Variants in LRRC3B observed in about 807,000 individuals in gnomAD.
The protein encoded by LRRC3B is leucine rich repeat containing 3B, also known as leucine-rich repeat-containing protein 3B.
Under a neutral mutation model 12.8 loss-of-function variants are expected in LRRC3B, and 2 were observed. That is an observed-to-expected ratio of 0.16 (90% confidence interval 0.06 to 0.49). LRRC3B has a LOEUF of 0.49. Ranked by LOEUF, LRRC3B falls within the 20% of genes least tolerant of loss-of-function variation. LRRC3B has a pLI of 0.96. For missense variants in LRRC3B, 189 were observed against 319.4 expected, an observed-to-expected ratio of 0.59 and a Z score of 3.11; for synonymous variants, 132 against 122.0, an observed-to-expected ratio of 1.08 and a Z score of -0.54.
intron 1 of LRRC3B, among the ~76,000 whole-genome samples, chr3:26,705,159 A>T (rs1700554834): frequency 6.6e-6 from 1 of 152,316 alleles, no homozygotes; most frequent in Middle Eastern, 3.4e-3. Flanking sequence ...TTCTCAGTGA[A>T]TGAACACCCT....
intron 1 of LRRC3B, among the ~76,000 whole-genome samples, chr3:26,684,631 G>A (rs1438682592): frequency 2.0e-5 from 3 of 152,222 alleles, no homozygotes; most frequent in Non-Finnish European, 4.4e-5. Flanking sequence ...GAAGGGCAAA[G>A]AGACTAAAAG....
rs538973050 is a variant in LRRC3B, at chr3:26,639,182, A to T, written c.-161+15945A>T. Among the ~76,000 whole-genome samples, 3 of 152,364 alleles carry T rather than the reference A, an allele frequency of 2.0e-5. No individual in the cohort carries two copies. In the East Asian group the frequency reaches 5.8e-4, roughly 29 times the overall value. ...TAAAATTTTTTTCAGTAGCTACATT[A>T]AACATGTAAAAAGAAAAAGGTATAG... On this transcript the variant is annotated intron_variant, in intron 1 of 1. Coordinates refer to ENST00000396641, the Ensembl canonical transcript of LRRC3B.
intron 1 of LRRC3B, among the ~76,000 whole-genome samples, chr3:26,625,702 T>G (rs1232420420): frequency 6.6e-6 from 1 of 152,326 alleles, no homozygotes; most frequent in East Asian, 1.9e-4. Flanking sequence ...AAGGTGGATT[T>G]ATTTCAGGTT....
Position 26,703,631 on chromosome 3 carries a change from T to G in LRRC3B, c.-160-5882T>G, listed in dbSNP as rs553033221. 2.0e-5 allele frequency among the ~76,000 whole-genome samples: 3 copies of G among 151,710 alleles called. No homozygotes were observed. The Admixed American group carries it at 2.0e-4, about 10-fold the overall frequency. ...GAAGCAAGGTCAAAAATTAGAAAAA[T>G]TATCAGTTAATAATCAGTTCTTGGC... On this transcript the variant is annotated intron_variant, in intron 1 of 1. Coordinates refer to ENST00000396641, the Ensembl canonical transcript of LRRC3B.
chr3:26,697,238 C>G (rs552148795), intron 1 of LRRC3B, among the ~76,000 whole-genome samples: 5 of 152,168 alleles, frequency 3.3e-5, no homozygotes, highest in African/African-American at 1.2e-4. Flanking sequence ...TTTCAATGGA[C>G]AAAAAATCAA....
chr3:26,661,462 G>A (rs1056162774), intron 1 of LRRC3B, among the ~76,000 whole-genome samples: 3 of 152,116 alleles, frequency 2.0e-5, no homozygotes, highest in African/African-American at 7.2e-5. Flanking sequence ...CTTTAGGTAT[G>A]TAGTTGTCGT....
intron 1 of LRRC3B, among the ~76,000 whole-genome samples, chr3:26,651,383 T>A (rs1699261436): frequency 6.6e-6 from 1 of 152,194 alleles, no homozygotes; most frequent in Non-Finnish European, 1.5e-5. Context: ...CACAGTTTGT[T>A]TTTCTTCCCA....
At chr3:26,707,258 G>C (rs143041721) in intron 1 of LRRC3B, among the ~76,000 whole-genome samples, 1 of 151,560 alleles carries the variant, frequency 6.6e-6, no homozygotes, top group Non-Finnish European at 1.5e-5. Flanking sequence ...CCAGATACTC[G>C]GGAGGCTGGG....
intron 1 of LRRC3B, among the ~76,000 whole-genome samples, chr3:26,638,102 T>C (rs1443784930): frequency 1.3e-5 from 2 of 152,170 alleles, no homozygotes; most frequent in Non-Finnish European, 2.9e-5. Flanking sequence ...CCACAAAGCA[T>C]TGTAGATGTC....
chr3:26,653,579 G>GA (rs5847412), intron 1 of LRRC3B, among the ~76,000 whole-genome samples: 21 of 148,574 alleles, frequency 1.4e-4, no homozygotes, highest in South Asian at 2.1e-4. Flanking sequence ...AGAACTCACA[G>GA]AAAAAAAAAA....
intron 1 of LRRC3B, among the ~76,000 whole-genome samples, chr3:26,627,959 G>GA (rs1698665614): frequency 1.3e-5 from 2 of 152,132 alleles, no homozygotes; most frequent in African/African-American, 4.8e-5. Flanking sequence ...GGAACCACAG[G>GA]AAGGGGAATC....
chr3:26,653,350 A>AT (rs57141158), intron 1 of LRRC3B, among the ~76,000 whole-genome samples: 78 of 151,840 alleles, frequency 5.1e-4, no homozygotes, highest in African/African-American at 1.4e-3. Flanking sequence ...AATTTCTGTC[A>AT]TTTTTTTTAC....
intron 1 of LRRC3B, among the ~76,000 whole-genome samples, chr3:26,703,779 TC>T (rs1334059084): frequency 6.6e-6 from 1 of 151,786 alleles, no homozygotes; most frequent in African/African-American, 2.4e-5. Flanking sequence ...ATTCAGTCTC[TC>T]ATCATGAAAC....
intron 1 of LRRC3B, among the ~76,000 whole-genome samples, chr3:26,685,523 C>CTCTCTCTATA (rs1200535225): frequency 1.0e-4 from 4 of 38,320 alleles, no homozygotes; most frequent in African/African-American, 2.6e-4. Flanking sequence ...CTCTCTCTCT[C>CTCTCTCTATA]TATATATATA....
At chr3:26,659,688 A>G (rs954400362) in intron 1 of LRRC3B, among the ~76,000 whole-genome samples, 1 of 152,124 alleles carries the variant, frequency 6.6e-6, no homozygotes, top group African/African-American at 2.4e-5. Flanking sequence ...AAACAATACA[A>G]AAAAAACCCT....
At chr3:26,636,568 A>T (rs1698876209) in intron 1 of LRRC3B, among the ~76,000 whole-genome samples, 2 of 152,146 alleles carry the variant, frequency 1.3e-5, no homozygotes, top group African/African-American at 4.8e-5. Flanking sequence ...AATGAAGAGT[A>T]TGTATTGACA....
At chr3:26,672,381 A>C (rs2125433437) in intron 1 of LRRC3B, among the ~76,000 whole-genome samples, 2 of 152,240 alleles carry the variant, frequency 1.3e-5, no homozygotes, top group South Asian at 4.1e-4. Context: ...GCTTAGTAAG[A>C]CTTGGTTTTG....
exon 2 of LRRC3B, chr3:26,710,271 A>T (rs200924005): frequency 6.2e-7 from 1 of 1,613,916 alleles, no homozygotes; most frequent in Non-Finnish European, 8.5e-7. Context: ...CTCCCTAAAA[A>T]AACTACCGAT....
intron 1 of LRRC3B, among the ~76,000 whole-genome samples, chr3:26,668,271 A>C (rs1699649921): frequency 1.3e-5 from 2 of 152,066 alleles, no homozygotes; most frequent in South Asian, 4.1e-4. Flanking sequence ...CAAGAAAGCT[A>C]TGAGGGGCCG....
Sources: gnomAD v4.1 joint callset for allele counts (sites outside exome capture counted in the v4.1 genomes callset) on GRCh38, gnomAD v4.1.1 for gene constraint, MANE v1.5 for transcripts, NCBI Gene and HGNC (gene_info 2026-07-23, HGNC 2026-07-21) for gene names.